The following TEX261 variants were observed in gnomAD, a reference collection of about 807,000 sequenced individuals.
TEX261 encodes testis expressed 261.
TEX261 carries 13 observed loss-of-function variants against 25.1 expected under a neutral mutation model. The observed-to-expected ratio is 0.52, with a 90% CI of 0.34 to 0.82. TEX261 has a LOEUF of 0.82. Among genes scored for constraint, TEX261 ranks in the 40% least tolerant of loss-of-function variants. The pLI, the probability that TEX261 is intolerant of heterozygous loss-of-function variation, is 0.02. For missense variants in TEX261, 206 were observed against 243.2 expected (o/e 0.85, Z 1.02); for synonymous variants, 92 against 97.8 (o/e 0.94, Z 0.35).
intron 3 of TEX261, 79 bp downstream of exon 3, chr2:70,991,751 T>G (rs1670301768): frequency 6.6e-7 from 1 of 1,524,556 alleles, no homozygotes; most frequent in Non-Finnish European, 8.9e-7. Flanking sequence ...TTCCTTTTTC[T>G]GTATCCCCTT....
intron 2 of TEX261, among the ~76,000 whole-genome samples, chr2:70,992,467 C>T (rs1553425741): frequency 6.6e-6 from 1 of 152,224 alleles, no homozygotes; most frequent in South Asian, 2.1e-4. Context: ...AGGTGGCTCA[C>T]GCCTGGAATC....
rs1393056698 is a variant in TEX261 at position 70,987,834 on chromosome 2, T to C, written c.*766A>G. The stretch of plus-strand genomic sequence containing the variant: ...CTGAAAATCTAGCCCAGTCCTAAAT[T>C]GTCCCCTCTCCTACTCCCAGTTTGA... On this transcript the variant is annotated 3_prime_UTR_variant, in exon 6 of 6. Transcript: ENST00000272438. 4.6e-5 allele frequency: 7 copies of C among 152,262 alleles called. No homozygotes were observed. Among genetic ancestry groups the C allele is most frequent in the African/African-American group, 1.7e-4 (7 of 41,458 alleles). The allele number at this position is 152,262 out of a possible 1,614,324, so 9.4% of individuals were successfully genotyped here.
chr2:70,989,304 C>G (rs1416860007), intron 4 of TEX261: 1 of 501,244 alleles, frequency 2.0e-6, no homozygotes, highest in South Asian at 2.2e-5. Context: ...CCATGACTGA[C>G]TGACCCACAC....
Position 70,994,669 on chromosome 2 carries a change from CG to C in TEX261, c.70+18del. ...TGCCGGGGCGGGAGCCCGCGCGGGC[CG>C]GGGTCGTGCAGTCTCACCGACAGCC... is the stretch of plus-strand genomic sequence containing the variant. On this transcript the variant is annotated intron_variant, in intron 1 of 5. Transcript: ENST00000272438. 1 of 1,584,400 alleles carries C rather than the reference CG, an allele frequency of 6.3e-7. No individual in the cohort carries two copies. Among genetic ancestry groups the C allele is most frequent in the African/African-American group, 1.3e-5 (1 of 74,324 alleles).
rs1553425428 is a variant in TEX261, at chr2:70,989,791, T to C, written c.330A>G (p.Leu110=). The C allele has an allele frequency of 6.2e-7, 1 of 1,613,242 alleles. No homozygotes were observed. Among genetic ancestry groups the C allele is most frequent in the Non-Finnish European group, 8.5e-7 (1 of 1,179,182 alleles). Residue 110 remains leucine, a synonymous_variant, in exon 4 of 6, where the codon CTA becomes CTG. Transcript: ENST00000272438. Reference sequence around the variant, plus strand: ...ATTCTTCTGCAAAAAACTGAAATGCTAGGTAATGATTCACCACCACTAGTC... The same window carrying C: ...ATTCTTCTGCAAAAAACTGAAATGCCAGGTAATGATTCACCACCACTAGTC... ...SCGLVVVNHY[L]AFQFFAEEYY...
Position 70,988,577 on chromosome 2 carries a change from C to A in TEX261, c.*23G>T. ...GGGCCTGACTCTCCTGATCTTGCCCCCCACATCCTGCCTGCATGGGGGTCA... is the reference window on the plus strand; with the variant it reads ...GGGCCTGACTCTCCTGATCTTGCCCACCACATCCTGCCTGCATGGGGGTCA... On this transcript the variant is annotated 3_prime_UTR_variant, in exon 6 of 6. Coordinates refer to ENST00000272438, the MANE Select transcript of TEX261 (RefSeq NM_144582.3). The A allele has an allele frequency of 3.1e-6, 5 of 1,589,798 alleles. No individual in the cohort carries two copies. The highest frequency in any genetic ancestry group is 4.3e-6 in the Non-Finnish European group (5 of 1,157,860).
At chr2:70,994,572 G>C in intron 1 of TEX261, 116 bp downstream of exon 1, 1 of 1,444,336 alleles carries the variant, frequency 6.9e-7, no homozygotes, top group South Asian at 1.3e-5. Context: ...GGCGGCGAAG[G>C]CCGGGAGCGC....
At position 70,991,763 on chromosome 2, in the gene TEX261, A is replaced by G. The variant is rs1483788702; in HGVS notation, c.304+67T>C. 3 of 1,559,642 alleles carry G rather than the reference A, an allele frequency of 1.9e-6. No homozygotes were observed. In the African/African-American group the frequency reaches 4.1e-5, roughly 21 times the overall value. On this transcript the variant is annotated intron_variant, in intron 3 of 5. Transcript: ENST00000272438. ...GGCTTCCTTTTTCTGTATCCCCTTT[A>G]GTGCCCAGGATGGAGATGGGCACAC...
Position 70,988,477 on chromosome 2 carries a change from G to A in TEX261, c.*123C>T, listed in dbSNP as rs1003015520. 14 of 733,136 alleles carry A rather than the reference G, an allele frequency of 1.9e-5. No individual in the cohort carries two copies. Among genetic ancestry groups the A allele is most frequent in the African/African-American group, 3.5e-5 (2 of 57,010 alleles). The allele number at this position is 733,136 out of a possible 1,614,324, so 45.4% of individuals were successfully genotyped here. On this transcript the variant is annotated 3_prime_UTR_variant, in exon 6 of 6. Coordinates refer to ENST00000272438, the MANE Select transcript of TEX261 (RefSeq NM_144582.3). ...AGGAGGGTGGGGATGGGGCTCCAGA[G>A]TTGAGGGGAAGAAAGCCAGGGCAGG...
chr2:70,992,070 A>T, intron 2 of TEX261, 87 bp from the exon 3 acceptor site: 1 of 1,327,148 alleles, frequency 7.5e-7, no homozygotes, highest in Non-Finnish European at 1.0e-6. Context: ...TCTGGGCAGC[A>T]CTAGGTTCAT....
At position 70,993,870 on chromosome 2, in the gene TEX261, T is replaced by A. The variant is rs1318810742; in HGVS notation, c.71-95A>T. The A allele has an allele frequency of 6.3e-6, 6 of 955,796 alleles. No homozygotes were observed. The East Asian group carries it at 1.2e-4, about 19-fold the overall frequency. The allele number at this position is 955,796 out of a possible 1,614,324, so 59.2% of individuals were successfully genotyped here. A position where few individuals can be genotyped will look rare whatever the true frequency, so the allele number is the denominator to read the frequency against. ...CAGCCCAGTCCCCATCCACCCTTCA[T>A]GGACCCCAGAAGGTCAAGAACAAAC... On this transcript the variant is annotated intron_variant, in intron 1 of 5. Coordinates refer to ENST00000272438, the MANE Select transcript of TEX261 (RefSeq NM_144582.3).
chr2:70,990,238 C>G (rs1240238072), intron 3 of TEX261, among the ~76,000 whole-genome samples: 1 of 151,182 alleles, frequency 6.6e-6, no homozygotes, highest in Non-Finnish European at 1.5e-5. Flanking sequence ...AAGGCCTGCT[C>G]AAATAAACAA....
rs1670232332 is a variant in TEX261, at chr2:70,988,444, G to A, written c.*156C>T. On this transcript the variant is annotated 3_prime_UTR_variant, in exon 6 of 6. Transcript: ENST00000272438. ...AAGCATCAGATCTGAGCCAAGCTGAGCCCCCCAAGGAGGGTGGGGATGGGG... is the reference window on the plus strand; with the variant it reads ...AAGCATCAGATCTGAGCCAAGCTGAACCCCCCAAGGAGGGTGGGGATGGGG... The A allele has an allele frequency of 3.2e-6, 2 of 623,288 alleles. No homozygotes were observed. The highest frequency in any genetic ancestry group is 2.8e-5 in the Admixed American group (1 of 35,502). 38.6% of individuals were successfully genotyped at this position (623,288 alleles called of 1,614,324 possible).
At chr2:70,994,512 C>T in intron 1 of TEX261, 176 bp downstream of exon 1, 1 of 895,320 alleles carries the variant, frequency 1.1e-6, no homozygotes, top group Non-Finnish European at 1.7e-6. Context: ...ACGGTCAGGC[C>T]GGGCTGCCAG....
Position 70,994,734 on chromosome 2 carries a change from G to A in TEX261, c.24C>T (p.Ser8=), listed in dbSNP as rs1553426052. ...CCACCTGGATGAAGAGCGACAGCCA[G>A]CTCAGCAGGTACATGAACCACATGG... is the stretch of plus-strand genomic sequence containing the variant. MWFMYLL[S]WLSLFIQVAF... The change falls in exon 1 of 6, where the codon AGC becomes AGT. Residue 8 remains serine (S), a synonymous_variant. Coordinates refer to ENST00000272438, the MANE Select transcript of TEX261 (RefSeq NM_144582.3). 4 of 1,606,742 alleles carry A rather than the reference G, an allele frequency of 2.5e-6. No homozygotes were observed. In the East Asian group the frequency reaches 6.7e-5, roughly 27 times the overall value.
Position 70,987,889 on chromosome 2 carries a change from AAG to A in TEX261, c.*709_*710del, listed in dbSNP as rs1453798900. On this transcript the variant is annotated 3_prime_UTR_variant, in exon 6 of 6. Transcript: ENST00000272438. ...CACGGAGCCTTGGGGAAAGAGATGG[AAG>A]AGAGTGCATCAGAGAGGCTGCCTAT... 2 of 152,470 alleles carry A rather than the reference AAG, an allele frequency of 1.3e-5. No individual in the cohort carries two copies. The highest frequency in any genetic ancestry group is 1.3e-4 in the Admixed American group (2 of 15,278). The allele number at this position is 152,470 out of a possible 1,614,324, so 9.4% of individuals were successfully genotyped here. A position where few individuals can be genotyped will look rare whatever the true frequency, so the allele number is the denominator to read the frequency against.
intron 3 of TEX261, among the ~76,000 whole-genome samples, chr2:70,990,389 C>T (rs937993729): frequency 6.6e-6 from 1 of 152,144 alleles, no homozygotes; most frequent in Non-Finnish European, 1.5e-5. Flanking sequence ...CCTCATCCTG[C>T]CCCCAGGTAA....
intron 2 of TEX261, among the ~76,000 whole-genome samples, chr2:70,993,128 C>G (rs571010339): frequency 6.6e-6 from 1 of 152,230 alleles, no homozygotes; most frequent in African/African-American, 2.4e-5. Context: ...AATGGCACCC[C>G]TACCCCCAGC....
rs1311988616 is a variant in TEX261, at chr2:70,986,488, C to G, written c.*2112G>C. On this transcript the variant is annotated 3_prime_UTR_variant, in exon 6 of 6. Transcript: ENST00000272438. ...ATAGAGAAGCAGTAGGAGGCTGTCACGATAATCCAGGTGAAAGCTGATGAC... is the reference window on the plus strand; with the variant it reads ...ATAGAGAAGCAGTAGGAGGCTGTCAGGATAATCCAGGTGAAAGCTGATGAC... 1.3e-5 allele frequency: 2 copies of G among 152,638 alleles called. No homozygotes were observed. The highest frequency in any genetic ancestry group is 4.8e-5 in the African/African-American group (2 of 41,412). 9.5% of individuals were successfully genotyped at this position (152,638 alleles called of 1,614,324 possible).
Sources: gnomAD v4.1 joint callset for allele counts (sites outside exome capture counted in the v4.1 genomes callset) on GRCh38, gnomAD v4.1.1 for gene constraint, MANE v1.5 for transcripts, NCBI Gene and HGNC (gene_info 2026-07-23, HGNC 2026-07-21) for gene names.